The following WRNIP1 variants were observed in gnomAD, a reference collection of about 807,000 sequenced individuals.
WRNIP1 encodes the protein ATPase WRNIP1.
Under a neutral mutation model 56.1 loss-of-function variants are expected in WRNIP1, and 41 were observed. The observed-to-expected ratio is 0.73, with a 90% CI of 0.57 to 0.95. The LOEUF (loss-of-function observed/expected upper bound fraction) is 0.95. WRNIP1 is among the 40% of genes least tolerant of loss of function. WRNIP1 has a pLI of 0.00. For missense variants in WRNIP1, 1,170 were observed against 939.4 expected, an observed-to-expected ratio of 1.25 and a Z score of -3.21; for synonymous variants, 547 against 398.1, an observed-to-expected ratio of 1.37 and a Z score of -4.45.
chr6:2,783,444 T>G lies in WRNIP1; in HGVS notation c.1525T>G (p.Ser509Ala), dbSNP rs368915696. Residue 509 changes from serine (S) to alanine (A), a missense_variant, in exon 5 of 7, where the codon TCC (serine) becomes GCC (alanine). Coordinates refer to ENST00000380773, the MANE Select transcript of WRNIP1 (RefSeq NM_020135.3). ...HYNCISALHK[S>A]MRGSDQNASL... ...CAACTGCATCTCCGCCCTGCACAAG[T>G]CCATGCGGGGCTCAGACCAGAACGC... 6.8e-6 allele frequency: 11 copies of G among 1,613,020 alleles called. No individual in the cohort carries two copies. The highest frequency in any genetic ancestry group is 9.3e-6 in the Non-Finnish European group (11 of 1,179,536).
chr6:2,781,548 A>AG (rs780852857), intron 4 of WRNIP1, among the ~76,000 whole-genome samples: 4 of 152,160 alleles, frequency 2.6e-5, no homozygotes, highest in Non-Finnish European at 5.9e-5. Context: ...ACCCACCCCC[A>AG]GAGTTGTGAT....
intron 6 of WRNIP1, among the ~76,000 whole-genome samples, chr6:2,784,702 C>T (rs560577909): frequency 6.6e-6 from 1 of 152,180 alleles, no homozygotes; most frequent in East Asian, 1.9e-4. Flanking sequence ...GCAAGTTCGC[C>T]CCCAGAGCAG....
At chr6:2,780,155 A>G (rs770470407) in intron 4 of WRNIP1, among the ~76,000 whole-genome samples, 1 of 152,232 alleles carries the variant, frequency 6.6e-6, no homozygotes. Context: ...TGAATATAAC[A>G]TACTGTAGAT....
chr6:2,765,882 C>G lies in WRNIP1; in HGVS notation c.260C>G (p.Thr87Arg). The G allele has an allele frequency of 6.9e-7, 1 of 1,450,052 alleles. No homozygotes were observed. Among genetic ancestry groups the G allele is most frequent in the Non-Finnish European group, 9.1e-7 (1 of 1,102,980 alleles). The allele number at this position is 1,450,052 out of a possible 1,614,324, so 89.8% of individuals were successfully genotyped here. A position where few individuals can be genotyped will look rare whatever the true frequency, so the allele number is the denominator to read the frequency against. Reference protein sequence around the residue: ...SSALKQPATPTAAESSEGEGE... With the variant: ...SSALKQPATPRAAESSEGEGE... The stretch of plus-strand genomic sequence containing the variant: ...GCGCTGAAGCAGCCAGCCACCCCGA[C>G]GGCAGCCGAGAGCAGCGAGGGCGAG... The change falls in exon 1 of 7, where the codon ACG (threonine) becomes AGG (arginine). Residue 87 changes from threonine (T) to arginine (R), a missense_variant. Physicochemically the swap from Thr to Arg is moderately conservative, Grantham distance 71. Coordinates refer to ENST00000380773, the MANE Select transcript of WRNIP1 (RefSeq NM_020135.3).
chr6:2,767,678 A>G (rs1279734885), intron 1 of WRNIP1, among the ~76,000 whole-genome samples: 2 of 152,254 alleles, frequency 1.3e-5, no homozygotes, highest in Non-Finnish European at 2.9e-5. Context: ...AAGTCTTTAC[A>G]TAAGATCATG....
intron 1 of WRNIP1, among the ~76,000 whole-genome samples, chr6:2,767,177 A>G (rs1012599232): frequency 4.6e-5 from 7 of 152,214 alleles, no homozygotes; most frequent in Non-Finnish European, 8.8e-5. Context: ...AGATGAGGGC[A>G]GTTAGGATAT....
chr6:2,773,434 A>G, intron 3 of WRNIP1: 2 of 985,436 alleles, frequency 2.0e-6, no homozygotes, highest in African/African-American at 1.7e-5. Flanking sequence ...TGCGGAGTTG[A>G]GTTTTGAAGG....
At position 2,765,847 on chromosome 6, in the gene WRNIP1, G is replaced by A. The variant is rs549247483; in HGVS notation, c.225G>A (p.Ser75=). 5.0e-6 allele frequency: 7 copies of A among 1,404,192 alleles called. No individual in the cohort carries two copies. Among genetic ancestry groups the A allele is most frequent in the East Asian group, 3.1e-5 (1 of 32,410 alleles). The allele number at this position is 1,404,192 out of a possible 1,614,324, so 87.0% of individuals were successfully genotyped here. The change falls in exon 1 of 7, where the codon TCG becomes TCA. Residue 75 remains serine (S), a synonymous_variant. Coordinates refer to ENST00000380773, the MANE Select transcript of WRNIP1 (RefSeq NM_020135.3). ...CCGGCGCCAAGAGGCGGCGGCTGTC[G>A]GAGAGCTCGGCGCTGAAGCAGCCAG... The part of the protein sequence containing the change: ...SPPGAKRRRL[S]ESSALKQPAT...
Position 2,784,311 on chromosome 6 carries a change from C to G in WRNIP1, c.1643-13C>G, listed in dbSNP as rs375950785. ...TCATGACTGAAACTCTCCTTTGTCT[C>G]TGTGTGTGGCAGGTCTGGCAGACCC... On this transcript the variant is annotated splice_polypyrimidine_tract_variant and intron_variant, in intron 5 of 6. Transcript: ENST00000380773. 1.7e-5 allele frequency: 27 copies of G among 1,611,604 alleles called. No homozygotes were observed. Among genetic ancestry groups the G allele is most frequent in the African/African-American group, 1.6e-4 (12 of 74,892 alleles).
Position 2,766,342 on chromosome 6 carries a change from C to G in WRNIP1, c.720C>G (p.Phe240Leu), listed in dbSNP as rs370770188. ...TMRPDTLQDY[F>L]GQSKAVGQDT... ...GTCCTGACACGCTGCAGGATTACTTCGGGCAGAGCAAGGCCGTGGGCCAGG... is the reference window on the plus strand; with the variant it reads ...GTCCTGACACGCTGCAGGATTACTTGGGGCAGAGCAAGGCCGTGGGCCAGG... The change falls in exon 1 of 7, where the codon TTC (phenylalanine) becomes TTG (leucine). Residue 240 changes from phenylalanine (F) to leucine (L), a missense_variant. Physicochemically the swap from Phe to Leu is conservative, Grantham distance 22. Transcript: ENST00000380773. The G allele has an allele frequency of 6.2e-7, 1 of 1,610,660 alleles. No individual in the cohort carries two copies. The highest frequency in any genetic ancestry group is 1.1e-5 in the South Asian group (1 of 90,532).
At chr6:2,767,036 C>G (rs779249252) in intron 1 of WRNIP1, among the ~76,000 whole-genome samples, 55 of 152,212 alleles carry the variant, frequency 3.6e-4, no homozygotes, top group Non-Finnish European at 5.1e-4. Context: ...AACATAAAAA[C>G]TTTTTCATCT....
rs758580088 is a variant in WRNIP1 at position 2,766,412 on chromosome 6, C to T, written c.790C>T (p.Leu264Phe). Reference sequence around the variant, plus strand: ...CCTGGAGACCAACGAAATCCCCTCGCTTATCCTGTGGGGGCCGCCGGGCTG... The same window carrying T: ...CCTGGAGACCAACGAAATCCCCTCGTTTATCCTGTGGGGGCCGCCGGGCTG... Reference protein sequence around the residue: ...SLLETNEIPSLILWGPPGCGK... With the variant: ...SLLETNEIPSFILWGPPGCGK... The change falls in exon 1 of 7, where the codon CTT (leucine) becomes TTT (phenylalanine). Residue 264 changes from leucine to phenylalanine, a missense_variant. Transcript: ENST00000380773. 8 of 1,599,962 alleles carry T rather than the reference C, an allele frequency of 5.0e-6. No homozygotes were observed. In the East Asian group the frequency reaches 6.8e-5, roughly 14 times the overall value.
intron 2 of WRNIP1, among the ~76,000 whole-genome samples, chr6:2,769,273 C>T (rs1169150246): frequency 6.6e-6 from 1 of 151,692 alleles, no homozygotes; most frequent in African/African-American, 2.4e-5. Context: ...GAAAATTAAA[C>T]AATCGGTATT....
At chr6:2,778,518 CAG>C (rs1303745005) in intron 3 of WRNIP1, among the ~76,000 whole-genome samples, 5 of 152,140 alleles carry the variant, frequency 3.3e-5, no homozygotes, top group Non-Finnish European at 2.9e-5. Flanking sequence ...TCCTGATGTT[CAG>C]AGAGAGGTTA....
chr6:2,783,386 G>A lies in WRNIP1; in HGVS notation c.1487-20G>A, dbSNP rs995867642. 6.4e-7 allele frequency: 1 copy of A among 1,570,734 alleles called. No homozygotes were observed. The highest frequency in any genetic ancestry group is 2.3e-5 in the East Asian group (1 of 42,808). On this transcript the variant is annotated intron_variant, in intron 4 of 6. Coordinates refer to ENST00000380773, the MANE Select transcript of WRNIP1 (RefSeq NM_020135.3). ...CCCCTCCTGTGAGCTCTGTGTGAGT[G>A]GTGCTCTTTGTGATGTCAGGTGAGG...
At position 2,769,168 on chromosome 6, in the gene WRNIP1, T is replaced by TA. The variant is rs1765170066; in HGVS notation, c.1014+289dup. Among the ~76,000 whole-genome samples, 3 of 152,152 alleles carry TA rather than the reference T, an allele frequency of 2.0e-5. No homozygotes were observed. In the South Asian group the frequency reaches 6.2e-4, roughly 31 times the overall value. ...TTTCCAGTTTTAGGAATTTTTAATC[T>TA]AAATACTAGGAGTCATTGTGAACAG... On this transcript the variant is annotated intron_variant, in intron 2 of 6. Coordinates refer to ENST00000380773, the MANE Select transcript of WRNIP1 (RefSeq NM_020135.3).
At chr6:2,775,131 C>G (rs894016912) in intron 3 of WRNIP1, among the ~76,000 whole-genome samples, 1 of 152,220 alleles carries the variant, frequency 6.6e-6, no homozygotes, top group African/African-American at 2.4e-5. Context: ...TAAGGCATGT[C>G]TCTGTCTTCT....
chr6:2,784,495 A>G, intron 6 of WRNIP1, 92 bp downstream of exon 6: 2 of 1,292,630 alleles, frequency 1.5e-6, no homozygotes, highest in South Asian at 1.3e-5. Flanking sequence ...CTCCTTCACC[A>G]TTGGTGTATT....
chr6:2,783,205 C>T (rs891574963), intron 4 of WRNIP1, among the ~76,000 whole-genome samples: 1 of 152,210 alleles, frequency 6.6e-6, no homozygotes, highest in Non-Finnish European at 1.5e-5. Context: ...GCAGCCTCTT[C>T]CCCTGAATAG....
Sources: allele counts gnomAD v4.1 joint callset (sites outside exome capture counted in the v4.1 genomes callset), GRCh38; gene constraint gnomAD v4.1.1; transcripts MANE v1.5; gene names NCBI Gene and HGNC (gene_info 2026-07-23, HGNC 2026-07-21).